ADGRE1: variants seen among roughly 807,000 people sequenced by gnomAD.
The protein encoded by ADGRE1 is EGF-like module receptor 1.
ADGRE1 carries 82 observed loss-of-function variants against 102.7 expected under a neutral mutation model. That is an observed-to-expected ratio of 0.80 (90% CI 0.67 to 0.96). ADGRE1 has a LOEUF of 0.96. Ranked by LOEUF, ADGRE1 falls within the 40% of genes least tolerant of loss-of-function variation. The probability of loss-of-function intolerance (pLI) is 0.00; values close to 1 mark genes in which losing one functional copy is unlikely to be tolerated. For missense variants in ADGRE1, 1,032 were observed against 1,085.3 expected (o/e 0.95, Z 0.69); for synonymous variants, 398 against 399.6 (o/e 1.00, Z 0.05).
chr19:6,916,365 A>G lies in ADGRE1; in HGVS notation c.1417A>G (p.Thr473Ala). The stretch of plus-strand genomic sequence containing the variant: ...TTCCACAATTGAGGAATCTGAATCC[A>G]CAGGTACAGGTCCTCTCCTGAGAAT... ...GCSTIEESESTETTGVAFVSF... is the reference protein window; with the variant it reads ...GCSTIEESESAETTGVAFVSF... The change falls in exon 12 of 21, where the codon ACA becomes GCA. Residue 473 changes from threonine to alanine, a missense_variant. Transcript: ENST00000312053. 6.2e-7 allele frequency: 1 copy of G among 1,613,138 alleles called. No individual in the cohort carries two copies. Among genetic ancestry groups the G allele is most frequent in the Non-Finnish European group, 8.5e-7 (1 of 1,179,464 alleles).
intron 14 of ADGRE1, among the ~76,000 whole-genome samples, chr19:6,923,304 C>A (rs1974749439): frequency 6.6e-6 from 1 of 152,018 alleles, no homozygotes; most frequent in South Asian, 2.1e-4. Flanking sequence ...TCTCTCATCT[C>A]AAAAATGAGA....
chr19:6,912,925 TCTTTCTTGCTTG>T (rs980526133), intron 10 of ADGRE1, among the ~76,000 whole-genome samples: 1 of 152,192 alleles, frequency 6.6e-6, no homozygotes. Context: ...CATCAATTTG[TCTTTCTTGCTTG>T]CTTTCTTGCT....
intron 17 of ADGRE1, among the ~76,000 whole-genome samples, chr19:6,933,417 C>T (rs147036666): frequency 0.19 from 26,020 of 138,022 alleles, 2,365 homozygotes; most frequent in Middle Eastern, 0.28. Context: ...GACAGAGTTT[C>T]GCTCTTGTTG....
Position 6,913,778 on chromosome 19 carries a change from T to A in ADGRE1, c.1248T>A (p.Ser416=), listed in dbSNP as rs1399603671. ...GTGTGGAAAGCATGACACTGGCATC[T>A]TTTTGGAAACCCTCAGCAAATATCA... ...LESVESMTLA[S]FWKPSANITP... The change falls in exon 11 of 21, where the codon TCT becomes TCA. Residue 416 remains serine (S), a synonymous_variant. Transcript: ENST00000312053. 6.2e-7 allele frequency: 1 copy of A among 1,611,542 alleles called. No homozygotes were observed. Among genetic ancestry groups the A allele is most frequent in the Non-Finnish European group, 8.5e-7 (1 of 1,178,734 alleles).
intron 14 of ADGRE1, 111 bp from the exon 15 acceptor site, chr19:6,924,567 A>G (rs1385070703): frequency 8.9e-6 from 8 of 894,700 alleles, no homozygotes; most frequent in African/African-American, 5.0e-5. Flanking sequence ...TAGAGGGAGA[A>G]AATTCCCCCA....
intron 17 of ADGRE1, among the ~76,000 whole-genome samples, chr19:6,932,253 G>T (rs1004740515): frequency 6.6e-6 from 1 of 152,016 alleles, no homozygotes; most frequent in Non-Finnish European, 1.5e-5. Context: ...CGGATCACGA[G>T]GTCAGGAGAT....
intron 8 of ADGRE1, 74 bp downstream of exon 8, chr19:6,904,256 AC>A: frequency 6.4e-7 from 1 of 1,562,562 alleles, no homozygotes. Context: ...ATTCTACCCA[AC>A]CTCGGGATCT....
intron 12 of ADGRE1, among the ~76,000 whole-genome samples, chr19:6,916,755 A>T (rs1974402194): frequency 1.3e-5 from 2 of 151,196 alleles, no homozygotes; most frequent in African/African-American, 4.8e-5. Context: ...AATAAAAAAT[A>T]TTTAAATTTT....
At position 6,908,676 on chromosome 19, in the gene ADGRE1, T is replaced by A; in HGVS notation, c.1039-13T>A. ...GCTCACAAATGCTCTTTTTTTTTTT[T>A]TCTGGGACGCAGGTCTCCTTTTGTG... On this transcript the variant is annotated splice_polypyrimidine_tract_variant and intron_variant, in intron 9 of 20. Transcript: ENST00000312053. 1.9e-6 allele frequency: 3 copies of A among 1,580,700 alleles called. No individual in the cohort carries two copies. Among genetic ancestry groups the A allele is most frequent in the Middle Eastern group, 3.4e-4 (2 of 5,862 alleles).
intron 20 of ADGRE1, among the ~76,000 whole-genome samples, chr19:6,939,780 C>T (rs887519283): frequency 4.6e-5 from 7 of 152,192 alleles, no homozygotes; most frequent in African/African-American, 1.7e-4. Flanking sequence ...TTTGAACCAA[C>T]AGCTGTTTGG....
intron 17 of ADGRE1, among the ~76,000 whole-genome samples, chr19:6,932,070 A>G (rs1975176761): frequency 6.6e-6 from 1 of 152,318 alleles, no homozygotes; most frequent in East Asian, 1.9e-4. Context: ...TGGAGATTGA[A>G]TGGTCATTTG....
At chr19:6,907,327 A>T (rs1385512244) in intron 9 of ADGRE1, among the ~76,000 whole-genome samples, 1 of 149,070 alleles carries the variant, frequency 6.7e-6, no homozygotes, top group Admixed American at 6.7e-5. Context: ...CATCACCTCA[A>T]TCTAGTTCTA....
At chr19:6,927,266 CTTCCTTGCCTTCCT>C (rs1974960115) in intron 16 of ADGRE1, among the ~76,000 whole-genome samples, 5 of 135,564 alleles carry the variant, frequency 3.7e-5, no homozygotes, top group Admixed American at 1.5e-4. Context: ...CCCTCCCTTC[CTTCCTTGCCTTCCT>C]TCCCTTCCCT....
intron 20 of ADGRE1, among the ~76,000 whole-genome samples, chr19:6,939,491 G>T (rs1002162321): frequency 2.6e-5 from 4 of 152,104 alleles, no homozygotes; most frequent in African/African-American, 9.7e-5. Flanking sequence ...TAGTGGTGTT[G>T]TAAAGGCTCT....
chr19:6,915,218 C>T (rs1168089464), intron 11 of ADGRE1, among the ~76,000 whole-genome samples: 4 of 151,988 alleles, frequency 2.6e-5, no homozygotes, highest in African/African-American at 4.8e-5. Context: ...ATGTTGCCCA[C>T]GCTGGTCTTG....
chr19:6,902,062 T>A (rs781384823), intron 6 of ADGRE1, 41 bp downstream of exon 6: 1 of 1,610,756 alleles, frequency 6.2e-7, no homozygotes, highest in South Asian at 1.1e-5. Flanking sequence ...TCCAAGTCTG[T>A]TTGAAAAGAC....
At position 6,898,481 on chromosome 19, in the gene ADGRE1, C is replaced by T; in HGVS notation, c.514+934C>T. On this transcript the variant is annotated intron_variant, in intron 5 of 20. Coordinates refer to ENST00000312053, the MANE Select transcript of ADGRE1 (RefSeq NM_001974.5). ...TGTACTGGTGATGCCCTCAGGTTCC[C>T]AGGGATGGGTCTTGAGTGGATATCT... The T allele has an allele frequency of 1.9e-6, 3 of 1,583,090 alleles. No individual in the cohort carries two copies. In the South Asian group the frequency reaches 3.3e-5, roughly 18 times the overall value.
chr19:6,911,296 A>G (rs1050060351), intron 10 of ADGRE1, among the ~76,000 whole-genome samples: 10 of 151,696 alleles, frequency 6.6e-5, no homozygotes, highest in Non-Finnish European at 1.2e-4. Flanking sequence ...ATTGCTGCTC[A>G]AATTTCAGTT....
Position 6,924,854 on chromosome 19 carries a change from A to G in ADGRE1, c.1968A>G (p.Ile656Met), listed in dbSNP as rs1435940155. Residue 656 changes from isoleucine to methionine, a missense_variant, in exon 15 of 21, where the codon ATA becomes ATG. Physicochemically the swap from Ile to Met is conservative, Grantham distance 10 (BLOSUM62 1). Coordinates refer to ENST00000312053, the MANE Select transcript of ADGRE1 (RefSeq NM_001974.5). ...CGAAGACTCTCTTCCTCGCCGGTAT[A>G]CACAAGACTGACAACAAGGTCTACA... ...LLAKTLFLAG[I>M]HKTDNKMGCA... 3.1e-6 allele frequency: 5 copies of G among 1,614,000 alleles called. No homozygotes were observed. In the Admixed American group the frequency reaches 6.7e-5, roughly 22 times the overall value.
Sources: gnomAD v4.1 joint callset for allele counts (sites outside exome capture counted in the v4.1 genomes callset) on GRCh38, gnomAD v4.1.1 for gene constraint, MANE v1.5 for transcripts, NCBI Gene and HGNC (gene_info 2026-07-23, HGNC 2026-07-21) for gene names.